Variants in DISC1 observed in about 807,000 individuals in gnomAD.
DISC1 encodes DISC1 scaffold protein.
A neutral mutation model predicts 84.5 loss-of-function variants in DISC1; 57 were observed. The ratio of observed to expected loss-of-function variants is 0.67; its 90% CI spans 0.55 to 0.84. The LOEUF (loss-of-function observed/expected upper bound fraction) is 0.84, where lower values mean the gene tolerates loss of function less well. Ranked by LOEUF, DISC1 falls within the 40% of genes least tolerant of loss-of-function variation. The pLI is 0.00. For missense variants in DISC1, 1,000 were observed against 1,057.8 expected (o/e 0.95, Z 0.76); for synonymous variants, 411 against 415.2 (o/e 0.99, Z 0.12).
At chr1:231,844,928 A>G (rs2083343152) in intron 9 of DISC1, among the ~76,000 whole-genome samples, 1 of 127,512 alleles carries the variant, frequency 7.8e-6, no homozygotes, top group African/African-American at 2.8e-5. Flanking sequence ...CTCTGACTCA[A>G]AAAAAAAAAA....
intron 9 of DISC1, among the ~76,000 whole-genome samples, chr1:231,883,767 G>A (rs2086465397): frequency 6.6e-6 from 1 of 152,110 alleles, no homozygotes; most frequent in Admixed American, 6.5e-5. Flanking sequence ...ACATGGGGAT[G>A]GTGCAATTGA....
chr1:231,661,488 A>C (rs752073650), intron 1 of DISC1, among the ~76,000 whole-genome samples: 3 of 152,120 alleles, frequency 2.0e-5, no homozygotes, highest in Non-Finnish European at 4.4e-5. Context: ...TATTTCAGAA[A>C]GATAGTCTTT....
chr1:231,922,712 C>G (rs1303423356), intron 9 of DISC1, among the ~76,000 whole-genome samples: 1 of 151,902 alleles, frequency 6.6e-6, no homozygotes, highest in African/African-American at 2.4e-5. Flanking sequence ...TGGAGGGGGA[C>G]ACGTCCTGGT....
intron 9 of DISC1, among the ~76,000 whole-genome samples, chr1:231,862,814 C>A (rs1408488060): frequency 1.3e-5 from 2 of 152,184 alleles, no homozygotes; most frequent in African/African-American, 4.8e-5. Context: ...TGATGTGATG[C>A]TGGCAGCAGC....
intron 9 of DISC1, among the ~76,000 whole-genome samples, chr1:231,926,158 A>G (rs2090348520): frequency 6.6e-6 from 1 of 152,226 alleles, no homozygotes; most frequent in Non-Finnish European, 1.5e-5. Flanking sequence ...TGTTGCTCTC[A>G]GTTAACGTAC....
intron 10 of DISC1, among the ~76,000 whole-genome samples, chr1:232,000,760 A>T (rs1354165646): frequency 6.6e-6 from 1 of 152,236 alleles, no homozygotes; most frequent in Non-Finnish European, 1.5e-5. Context: ...ATCTGAAACT[A>T]TGGAAGCCAG....
chr1:231,928,239 G>A (rs199930816), intron 9 of DISC1, among the ~76,000 whole-genome samples: 82 of 152,180 alleles, frequency 5.4e-4, no homozygotes, highest in Non-Finnish European at 9.9e-4. Context: ...AGAAAGATAG[G>A]GATGACATGA....
intron 10 of DISC1, among the ~76,000 whole-genome samples, chr1:232,003,192 A>G (rs1666933458): frequency 6.6e-6 from 1 of 152,192 alleles, no homozygotes; most frequent in African/African-American, 2.4e-5. Flanking sequence ...CAAAGATAAA[A>G]TCTTAGAATG....
intron 9 of DISC1, among the ~76,000 whole-genome samples, chr1:231,839,854 G>A (rs1213011991): frequency 2.0e-5 from 3 of 152,074 alleles, no homozygotes; most frequent in African/African-American, 7.2e-5. Flanking sequence ...AGGTGGAGGT[G>A]CCAGGCTCTT....
intron 11 of DISC1, among the ~76,000 whole-genome samples, chr1:232,011,047 C>G (rs958923790): frequency 6.6e-6 from 1 of 152,072 alleles, no homozygotes; most frequent in Admixed American, 6.6e-5. Flanking sequence ...ATTCTGAACC[C>G]CATCACTCTC....
intron 11 of DISC1, among the ~76,000 whole-genome samples, chr1:232,020,304 T>C (rs1668846523): frequency 1.3e-5 from 2 of 152,116 alleles, no homozygotes; most frequent in Non-Finnish European, 2.9e-5. Context: ...ATCACGCCAT[T>C]GCACTCCAGC....
intron 9 of DISC1, among the ~76,000 whole-genome samples, chr1:231,912,405 G>T (rs1016995090): frequency 5.3e-5 from 8 of 152,204 alleles, no homozygotes; most frequent in Non-Finnish European, 8.8e-5. Flanking sequence ...TAACAGTCAG[G>T]ACCCTCAGCT....
chr1:231,666,490 G>A (rs1368309548), intron 1 of DISC1, among the ~76,000 whole-genome samples: 3 of 152,126 alleles, frequency 2.0e-5, no homozygotes, highest in Admixed American at 6.5e-5. Flanking sequence ...GACAATCAGT[G>A]TCAGCTAAGA....
chr1:231,809,434 C>T (rs12041446), intron 8 of DISC1, among the ~76,000 whole-genome samples: 1 of 149,130 alleles, frequency 6.7e-6, no homozygotes, highest in Non-Finnish European at 1.5e-5. Context: ...CCCTTGTTAT[C>T]TGCTTCCAAG....
chr1:232,000,283 G>T (rs1197031346), intron 10 of DISC1, among the ~76,000 whole-genome samples: 1 of 152,060 alleles, frequency 6.6e-6, no homozygotes, highest in Non-Finnish European at 1.5e-5. Flanking sequence ...GTAAATTATA[G>T]AACTAAAAAT....
At chr1:231,704,521 C>A (rs957114039) in intron 3 of DISC1, among the ~76,000 whole-genome samples, 2 of 152,138 alleles carry the variant, frequency 1.3e-5, no homozygotes, top group Non-Finnish European at 2.9e-5. Context: ...CTTTGGGAGT[C>A]CGAGGCGGGT....
intron 10 of DISC1, among the ~76,000 whole-genome samples, chr1:231,995,307 T>G (rs1028174860): frequency 7.9e-5 from 12 of 152,008 alleles, no homozygotes; most frequent in African/African-American, 2.9e-4. Flanking sequence ...TAAAAAGACC[T>G]GGTTATTTTC....
At position 232,008,321 on chromosome 1, in the gene DISC1, T is replaced by A. The variant is rs555524765; in HGVS notation, c.2043-464T>A. On this transcript the variant is annotated intron_variant, in intron 10 of 12. Coordinates refer to ENST00000439617, the MANE Select transcript of DISC1 (RefSeq NM_018662.3). ...TATTTTCCAGTTGGAAGGCAGGGAA[T>A]GTTTCTCCCAAAAAGGTTATTTAAG... 2.6e-5 allele frequency among the ~76,000 whole-genome samples: 4 copies of A among 152,322 alleles called. No homozygotes were observed. In the South Asian group the frequency reaches 6.2e-4, roughly 24 times the overall value.
chr1:231,752,431 A>C (rs556634963), intron 4 of DISC1, among the ~76,000 whole-genome samples: 1 of 152,250 alleles, frequency 6.6e-6, no homozygotes, highest in East Asian at 1.9e-4. Flanking sequence ...TTAAACAACG[A>C]GATCTCATGA....
Sources: gnomAD v4.1 joint callset for allele counts (sites outside exome capture counted in the v4.1 genomes callset) on GRCh38, gnomAD v4.1.1 for gene constraint, MANE v1.5 for transcripts, NCBI Gene and HGNC (gene_info 2026-07-23, HGNC 2026-07-21) for gene names.